ADAM32: variants seen among roughly 807,000 people sequenced by gnomAD.
ADAM32 encodes the protein disintegrin and metalloproteinase domain-containing protein 32.
In ADAM32, 89 loss-of-function variants were observed where a neutral mutation model predicts 114.9. That is an observed-to-expected ratio of 0.77 (90% CI 0.65 to 0.92). ADAM32 has a LOEUF of 0.92. Ranked by LOEUF, ADAM32 falls within the 40% of genes least tolerant of loss-of-function variation. The pLI, the probability that ADAM32 is intolerant of heterozygous loss-of-function variation, is 0.00. For synonymous variants in ADAM32, 285 were observed against 307.5 expected (o/e 0.93, Z 0.77); for missense variants, 870 against 932.8 (o/e 0.93, Z 0.88).
chr8:39,153,106 C>G (rs1048302885), intron 6 of ADAM32, among the ~76,000 whole-genome samples: 2 of 152,174 alleles, frequency 1.3e-5, no homozygotes, highest in Non-Finnish European at 2.9e-5. Flanking sequence ...GAGAAATAGA[C>G]TCTAAGTTTG....
chr8:39,271,961 T>A (rs1812758121), intron 20 of ADAM32, among the ~76,000 whole-genome samples: 1 of 151,510 alleles, frequency 6.6e-6, no homozygotes, highest in African/African-American at 2.4e-5. Flanking sequence ...GAGGAGCACC[T>A]GAAAAATTAA....
At position 39,178,185 on chromosome 8, in the gene ADAM32, C is replaced by T. The variant is rs550475945; in HGVS notation, c.915+8188C>T. 4.6e-5 allele frequency among the ~76,000 whole-genome samples: 7 copies of T among 152,230 alleles called. No individual in the cohort carries two copies. The East Asian group carries it at 9.6e-4, about 21-fold the overall frequency. On this transcript the variant is annotated intron_variant, in intron 10 of 24. Transcript: ENST00000379907. Reference sequence around the variant, plus strand: ...TAAGTTCAGTCTTTTAATATAATCCCGTATTTCTCAGAGGTTTTGTTAATT... The same window carrying T: ...TAAGTTCAGTCTTTTAATATAATCCTGTATTTCTCAGAGGTTTTGTTAATT...
At chr8:39,216,700 CACAA>C (rs553539278) in intron 12 of ADAM32, among the ~76,000 whole-genome samples, 49 of 152,064 alleles carry the variant, frequency 3.2e-4, no homozygotes, top group South Asian at 2.3e-3. Context: ...TAACACTGTG[CACAA>C]ACAAACAAGC....
intron 3 of ADAM32, among the ~76,000 whole-genome samples, chr8:39,140,289 G>A (rs1803062112): frequency 6.6e-6 from 1 of 151,020 alleles, no homozygotes; most frequent in Admixed American, 6.6e-5. Context: ...TTGGCTGTGG[G>A]TTTGTCATAA....
chr8:39,201,195 A>T (rs1369336844), intron 11 of ADAM32, among the ~76,000 whole-genome samples: 1 of 152,184 alleles, frequency 6.6e-6, no homozygotes, highest in Non-Finnish European at 1.5e-5. Flanking sequence ...ATGGCATTGA[A>T]TGTATAAATT....
At chr8:39,109,645 CT>C (rs1174523431) in intron 1 of ADAM32, among the ~76,000 whole-genome samples, 2 of 152,188 alleles carry the variant, frequency 1.3e-5, no homozygotes, top group African/African-American at 2.4e-5. Flanking sequence ...CATATAGCCC[CT>C]GATCCCAAAT....
intron 1 of ADAM32, among the ~76,000 whole-genome samples, chr8:39,114,110 A>G (rs1340026180): frequency 6.6e-6 from 1 of 152,228 alleles, no homozygotes; most frequent in East Asian, 1.9e-4. Flanking sequence ...TGATGGATCC[A>G]GGTCACAATT....
intron 20 of ADAM32, 27 bp downstream of exon 20, chr8:39,270,941 G>C (rs1272836764): frequency 1.9e-6 from 3 of 1,582,934 alleles, no homozygotes; most frequent in Middle Eastern, 1.7e-4. Flanking sequence ...GTGTTTTTAA[G>C]ATACATGTTG....
intron 10 of ADAM32, among the ~76,000 whole-genome samples, chr8:39,184,797 T>G: frequency 6.6e-6 from 1 of 152,224 alleles, no homozygotes; most frequent in Non-Finnish European, 1.5e-5. Context: ...CAAGAAAATC[T>G]TCAGTATGAT....
At chr8:39,176,864 G>A (rs1805564232) in intron 10 of ADAM32, among the ~76,000 whole-genome samples, 1 of 152,112 alleles carries the variant, frequency 6.6e-6, no homozygotes, top group Non-Finnish European at 1.5e-5. Context: ...ATGAATCTGG[G>A]TACTCCTGTA....
chr8:39,265,770 A>C (rs930815829), intron 19 of ADAM32, among the ~76,000 whole-genome samples: 3 of 152,106 alleles, frequency 2.0e-5, no homozygotes, highest in Non-Finnish European at 4.4e-5. Flanking sequence ...GGGGCTACGC[A>C]TGTAAGTATG....
At position 39,138,991 on chromosome 8, in the gene ADAM32, C is replaced by T. The variant is rs566661794; in HGVS notation, c.200+2273C>T. Among the ~76,000 whole-genome samples the T allele has an allele frequency of 2.8e-3, 431 of 152,300 alleles. 1 individual carries two copies. Among genetic ancestry groups the T allele is most frequent in the Non-Finnish European group, 3.1e-3 (213 of 68,028 alleles). ...TGTCTTCTTTTGAGAATTGTCTGTT[C>T]ATATCCTTTGGCCACTTTTTCATGG... On this transcript the variant is annotated intron_variant, in intron 3 of 24. Coordinates refer to ENST00000379907, the MANE Select transcript of ADAM32 (RefSeq NM_145004.7).
intron 14 of ADAM32, among the ~76,000 whole-genome samples, chr8:39,229,466 T>TA (rs1264819066): frequency 6.6e-6 from 1 of 152,054 alleles, no homozygotes; most frequent in Non-Finnish European, 1.5e-5. Context: ...ACCTAACACA[T>TA]AAGAACTCAT....
chr8:39,135,677 C>A (rs1018237084), intron 2 of ADAM32, among the ~76,000 whole-genome samples: 3 of 152,168 alleles, frequency 2.0e-5, no homozygotes, highest in Admixed American at 6.5e-5. Flanking sequence ...GGCTCCTTTG[C>A]TCTGTTTCTC....
chr8:39,228,563 A>G (rs183997963), intron 14 of ADAM32, among the ~76,000 whole-genome samples: 4 of 152,336 alleles, frequency 2.6e-5, no homozygotes, highest in Admixed American at 2.6e-4. Context: ...ATAGAACTGA[A>G]CAAGTAGAAG....
In ADAM32 at chr8:39,257,336, A is replaced by G. The variant is rs749724574; in HGVS notation, c.2155A>G (p.Ser719Gly). The stretch of plus-strand genomic sequence containing the variant: ...GTTCGCCAAGGAAGAGGAATTCCCA[A>G]GTAGCGAGTAAATTGCATTTGTGTT... ...KWFAKEEEFPSSESKSEGSTQ... is the reference protein window; with the variant it reads ...KWFAKEEEFPGSESKSEGSTQ... Residue 719 changes from serine (S) to glycine (G), a missense_variant, in exon 19 of 25, where the codon AGT (serine) becomes GGT (glycine). By Grantham distance (56) the Ser-to-Gly change is moderately conservative. Coordinates refer to ENST00000379907, the MANE Select transcript of ADAM32 (RefSeq NM_145004.7). 43 of 1,612,988 alleles carry G rather than the reference A, an allele frequency of 2.7e-5. No individual in the cohort carries two copies. Among genetic ancestry groups the G allele is most frequent in the South Asian group, 1.9e-4 (17 of 91,018 alleles).
rs779060463 is a variant in ADAM32 at position 39,233,945 on chromosome 8, C to A, written c.1681C>A (p.Pro561Thr). The A allele has an allele frequency of 1.1e-5, 18 of 1,591,168 alleles. No individual in the cohort carries two copies. The highest frequency in any genetic ancestry group is 1.7e-4 in the Middle Eastern group (1 of 6,026). The change falls in exon 16 of 25, where the codon CCT (proline) becomes ACT (threonine). Residue 561 changes from proline (P) to threonine (T), a missense_variant. Coordinates refer to ENST00000379907, the MANE Select transcript of ADAM32 (RefSeq NM_145004.7). ...RLVCTYPTRKPFHQENGDVIY... is the reference protein window; with the variant it reads ...RLVCTYPTRKTFHQENGDVIY... ...AGTTTGTACCTACCCTACTCGAAAG[C>A]CTTTCCATCAAGAAAATGGTGATGT...
intron 14 of ADAM32, 70 bp from the exon 15 acceptor site, chr8:39,231,957 A>G (rs1216609011): frequency 8.4e-7 from 1 of 1,196,090 alleles, no homozygotes; most frequent in African/African-American, 1.5e-5. Context: ...AGGGAATATT[A>G]TATGAAGAAA....
chr8:39,234,275 C>T (rs1039053292), intron 16 of ADAM32, among the ~76,000 whole-genome samples, 193 bp downstream of exon 16: 1 of 150,530 alleles, frequency 6.6e-6, no homozygotes, highest in Non-Finnish European at 1.5e-5. Flanking sequence ...CCTCCCACCC[C>T]CCATTAGAAT....
Sources: allele counts gnomAD v4.1 joint callset (sites outside exome capture counted in the v4.1 genomes callset), GRCh38; gene constraint gnomAD v4.1.1; transcripts MANE v1.5; gene names NCBI Gene and HGNC (gene_info 2026-07-23, HGNC 2026-07-21).